SGCD: variants seen among roughly 807,000 people sequenced by gnomAD.
SGCD encodes delta-sarcoglycan.
A neutral mutation model predicts 36.6 loss-of-function variants in SGCD; 18 were observed. That is an observed-to-expected ratio of 0.49 (90% CI 0.34 to 0.73). The LOEUF (loss-of-function observed/expected upper bound fraction) is 0.73, where lower values mean the gene tolerates loss of function less well. Among genes scored for constraint, SGCD ranks in the 30% least tolerant of loss-of-function variants. SGCD has a pLI of 0.01. For missense variants in SGCD, 387 were observed against 346.7 expected (o/e 1.12, Z -0.92); for synonymous variants, 133 against 130.6 (o/e 1.02, Z -0.12).
At chr5:156,192,021 G>T (rs1763904203) in intron 3 of SGCD, among the ~76,000 whole-genome samples, 1 of 152,156 alleles carries the variant, frequency 6.6e-6, no homozygotes, top group Admixed American at 6.6e-5. Context: ...CGAATGAGAA[G>T]AAACTTTGGA....
intron 1 of SGCD, among the ~76,000 whole-genome samples, chr5:155,912,396 G>A (rs542427429): frequency 1.2e-3 from 186 of 152,232 alleles, no homozygotes; most frequent in African/African-American, 4.3e-3. Context: ...CACACCAACA[G>A]AGAAAATGCC....
upstream of SGCD, among the ~76,000 whole-genome samples, chr5:156,323,900 G>A (rs903182262): frequency 6.6e-6 from 1 of 152,166 alleles, no homozygotes; most frequent in Non-Finnish European, 1.5e-5. Flanking sequence ...CAGTCCTATC[G>A]TATTAAATAC....
intron 1 of SGCD, among the ~76,000 whole-genome samples, chr5:156,002,894 C>T (rs964935643): frequency 1.3e-5 from 2 of 152,208 alleles, no homozygotes; most frequent in African/African-American, 2.4e-5. Context: ...TAAAAATTTG[C>T]CAAGGATAAA....
intron 3 of SGCD, among the ~76,000 whole-genome samples, chr5:156,492,631 G>A (rs1403236083): frequency 1.3e-5 from 2 of 151,988 alleles, no homozygotes; most frequent in Non-Finnish European, 2.9e-5. Flanking sequence ...TTGTTACATA[G>A]GTATACACGT....
At chr5:156,477,254 T>C (rs985455721) in intron 3 of SGCD, among the ~76,000 whole-genome samples, 2 of 152,162 alleles carry the variant, frequency 1.3e-5, no homozygotes, top group African/African-American at 4.8e-5. Flanking sequence ...TATAATACTT[T>C]GGGAGATCCG....
At chr5:155,816,791 A>G in the SGCD span, among the ~76,000 whole-genome samples, 3 of 152,212 alleles carry the variant, frequency 2.0e-5, no homozygotes, top group African/African-American at 7.2e-5. Flanking sequence ...TCCCAATAAT[A>G]GTATAAAAAC....
the SGCD span, among the ~76,000 whole-genome samples, chr5:155,754,132 A>T: frequency 6.6e-6 from 1 of 152,292 alleles, no homozygotes; most frequent in East Asian, 1.9e-4. Flanking sequence ...CTGGACTATC[A>T]TTTGGAGTCC....
At chr5:156,254,155 C>T (rs543261244) in intron 3 of SGCD, among the ~76,000 whole-genome samples, 47 of 152,240 alleles carry the variant, frequency 3.1e-4, no homozygotes, top group Non-Finnish European at 3.5e-4. Flanking sequence ...ATAATAGGCA[C>T]TCATGCCTCA....
intron 1 of SGCD, among the ~76,000 whole-genome samples, chr5:156,094,167 A>T (rs1761320976): frequency 6.6e-6 from 1 of 152,142 alleles, no homozygotes; most frequent in South Asian, 2.1e-4. Flanking sequence ...GAGAGGCGGT[A>T]CTGTGGTCAT....
chr5:156,268,575 C>T (rs1014686117), intron 3 of SGCD, among the ~76,000 whole-genome samples: 1 of 150,566 alleles, frequency 6.6e-6, no homozygotes, highest in East Asian at 1.9e-4. Context: ...TCCTTCCTTC[C>T]TTCCTTCCTT....
the SGCD span, among the ~76,000 whole-genome samples, chr5:155,818,630 C>G: frequency 6.6e-6 from 1 of 152,176 alleles, no homozygotes; most frequent in African/African-American, 2.4e-5. Flanking sequence ...AAGTGATCCT[C>G]CCACCTGAGC....
chr5:156,017,390 A>G (rs1759008904), intron 1 of SGCD, among the ~76,000 whole-genome samples: 1 of 152,058 alleles, frequency 6.6e-6, no homozygotes, highest in African/African-American at 2.4e-5. Context: ...CTGAATTGTA[A>G]ATCATAGATA....
At chr5:156,509,743 C>T (rs989234602) in intron 4 of SGCD, among the ~76,000 whole-genome samples, 4 of 152,310 alleles carry the variant, frequency 2.6e-5, no homozygotes, top group African/African-American at 7.2e-5. Flanking sequence ...AGCAGTGATT[C>T]CTACATACAT....
intron 2 of SGCD, among the ~76,000 whole-genome samples, chr5:156,122,844 A>G (rs928607657): frequency 3.6e-5 from 1 of 27,892 alleles, no homozygotes; most frequent in African/African-American, 1.8e-4. Flanking sequence ...AAGATGTGGT[A>G]AAAAAAAAAA....
At chr5:155,911,940 A>G (rs1756638610) in intron 1 of SGCD, among the ~76,000 whole-genome samples, 1 of 152,068 alleles carries the variant, frequency 6.6e-6, no homozygotes, top group Admixed American at 6.6e-5. Context: ...AGTGGCCCCA[A>G]TTTGGGAGGC....
At chr5:156,245,109 G>A (rs1472692273) in intron 3 of SGCD, among the ~76,000 whole-genome samples, 6 of 152,170 alleles carry the variant, frequency 3.9e-5, no homozygotes. Flanking sequence ...AAGCTGGGAG[G>A]CTGGTTAGTG....
intron 1 of SGCD, among the ~76,000 whole-genome samples, chr5:156,002,223 T>C (rs1190913180): frequency 6.6e-6 from 1 of 151,944 alleles, no homozygotes; most frequent in East Asian, 1.9e-4. Context: ...AAGATGAGAT[T>C]AGGACACAGA....
intron 2 of SGCD, among the ~76,000 whole-genome samples, chr5:156,121,903 G>A (rs1013134979): frequency 6.6e-6 from 1 of 152,116 alleles, no homozygotes; most frequent in Admixed American, 6.5e-5. Context: ...TGAGATTTCA[G>A]TATTAGCCTG....
intron 3 of SGCD, among the ~76,000 whole-genome samples, chr5:156,433,736 G>A (rs1450172982): frequency 6.6e-6 from 1 of 152,216 alleles, no homozygotes; most frequent in African/African-American, 2.4e-5. Flanking sequence ...GCAATGGCCT[G>A]TCACCATATG....
Sources: gnomAD v4.1 joint callset for allele counts (sites outside exome capture counted in the v4.1 genomes callset) on GRCh38, gnomAD v4.1.1 for gene constraint, MANE v1.5 for transcripts, NCBI Gene and HGNC (gene_info 2026-07-23, HGNC 2026-07-21) for gene names.